Variants in HS3ST4 observed in about 807,000 individuals in gnomAD.
HS3ST4 encodes heparan sulfate glucosamine 3-O-sulfotransferase 4.
A neutral mutation model predicts 29.2 loss-of-function variants in HS3ST4; 17 were observed. The ratio of observed to expected loss-of-function variants is 0.58; its 90% confidence interval spans 0.40 to 0.87. The LOEUF is 0.87. Ranked by LOEUF, HS3ST4 falls within the 40% of genes least tolerant of loss-of-function variation. The pLI, the probability that HS3ST4 is intolerant of heterozygous loss-of-function variation, is 0.00. For missense variants in HS3ST4, 627 were observed against 634.5 expected, an observed-to-expected ratio of 0.99 and a Z score of 0.13; for synonymous variants, 314 against 285.7, an observed-to-expected ratio of 1.10 and a Z score of -1.00.
chr16:25,694,339 G>T (rs865773828), intron 1 of HS3ST4, among the ~76,000 whole-genome samples: 1 of 152,166 alleles, frequency 6.6e-6, no homozygotes, highest in South Asian at 2.1e-4. Context: ...CATAATAAAT[G>T]TGTGCATTAT....
At chr16:26,016,549 C>G (rs1476497478) in intron 1 of HS3ST4, among the ~76,000 whole-genome samples, 1 of 152,106 alleles carries the variant, frequency 6.6e-6, no homozygotes, top group Non-Finnish European at 1.5e-5. Context: ...CAGACTTAGG[C>G]CCTTCATCCA....
chr16:25,735,431 C>T (rs1371470756), intron 1 of HS3ST4, among the ~76,000 whole-genome samples: 6 of 151,758 alleles, frequency 4.0e-5, no homozygotes, highest in Admixed American at 3.9e-4. Flanking sequence ...ATTTGTCACC[C>T]AGGCTAGAGT....
chr16:25,835,306 A>C (rs186792663), intron 1 of HS3ST4, among the ~76,000 whole-genome samples: 1 of 152,360 alleles, frequency 6.6e-6, no homozygotes, highest in Admixed American at 6.5e-5. Flanking sequence ...ATTGCTGAAC[A>C]AACACTGCCT....
At chr16:26,038,127 C>G (rs1969600944) in intron 1 of HS3ST4, among the ~76,000 whole-genome samples, 1 of 152,192 alleles carries the variant, frequency 6.6e-6, no homozygotes, top group Non-Finnish European at 1.5e-5. Flanking sequence ...GCTCCATCCA[C>G]ATGGTCCTCC....
At chr16:25,943,954 T>C (rs149894098) in intron 1 of HS3ST4, among the ~76,000 whole-genome samples, 1 of 152,172 alleles carries the variant, frequency 6.6e-6, no homozygotes, top group Non-Finnish European at 1.5e-5. Flanking sequence ...CGCTTTCAGA[T>C]GATTTATAAA....
rs1403096608 is a variant in HS3ST4, at chr16:25,939,658, C to T, written c.735-195954C>T. Among the ~76,000 whole-genome samples, 5 of 152,062 alleles carry T rather than the reference C, an allele frequency of 3.3e-5. No homozygotes were observed. In the East Asian group the frequency reaches 9.7e-4, roughly 29 times the overall value. On this transcript the variant is annotated intron_variant, in intron 1 of 1. Coordinates refer to ENST00000331351, the MANE Select transcript of HS3ST4 (RefSeq NM_006040.3). ...CCGGCCATTATTTTTGAAAGGTAAA[C>T]ATCCTGTTTGTCAGCTTGCTTTCTG...
intron 1 of HS3ST4, among the ~76,000 whole-genome samples, chr16:25,923,496 A>G (rs1292181732): frequency 6.6e-6 from 1 of 152,218 alleles, no homozygotes; most frequent in Non-Finnish European, 1.5e-5. Flanking sequence ...ATTTTGGCAG[A>G]ATAAGAGTGA....
intron 1 of HS3ST4, among the ~76,000 whole-genome samples, chr16:25,717,245 G>A (rs1400300943): frequency 6.6e-6 from 1 of 152,036 alleles, no homozygotes; most frequent in Non-Finnish European, 1.5e-5. Context: ...GAAAGACAAG[G>A]GTACGCAGAA....
intron 1 of HS3ST4, among the ~76,000 whole-genome samples, chr16:25,828,943 G>A (rs549049661): frequency 8.5e-4 from 129 of 152,312 alleles, no homozygotes; most frequent in Admixed American, 1.3e-3. Flanking sequence ...TTTAATGCAC[G>A]TGAAAGTGCC....
intron 1 of HS3ST4, among the ~76,000 whole-genome samples, chr16:25,716,792 G>T (rs935961659): frequency 2.6e-5 from 4 of 152,180 alleles, no homozygotes; most frequent in African/African-American, 9.7e-5. Flanking sequence ...GGTGGCTCAC[G>T]CCTGTAATCC....
intron 1 of HS3ST4, among the ~76,000 whole-genome samples, chr16:25,946,079 C>T (rs574599858): frequency 3.3e-5 from 5 of 152,016 alleles, no homozygotes; most frequent in Non-Finnish European, 7.4e-5. Flanking sequence ...TATGTTCTGC[C>T]GCCAGCCACT....
At chr16:25,955,205 T>C (rs4430745) in intron 1 of HS3ST4, among the ~76,000 whole-genome samples, 1 of 152,042 alleles carries the variant, frequency 6.6e-6, no homozygotes, top group Non-Finnish European at 1.5e-5. Flanking sequence ...CCTGGACCTC[T>C]GGTGCAGTGG....
intron 1 of HS3ST4, among the ~76,000 whole-genome samples, chr16:26,122,628 C>CGA (rs1342558577): frequency 2.6e-5 from 4 of 152,110 alleles, no homozygotes; most frequent in Non-Finnish European, 5.9e-5. Context: ...GGATATATGC[C>CGA]ACACTGAAGC....
chr16:26,054,036 T>C (rs1898376771), intron 1 of HS3ST4, among the ~76,000 whole-genome samples: 1 of 152,148 alleles, frequency 6.6e-6, no homozygotes, highest in African/African-American at 2.4e-5. Flanking sequence ...GCACCTGCTC[T>C]TAGAGTGATA....
intron 1 of HS3ST4, among the ~76,000 whole-genome samples, chr16:26,054,689 C>T (rs1253957903): frequency 6.6e-6 from 1 of 152,126 alleles, no homozygotes; most frequent in Non-Finnish European, 1.5e-5. Context: ...CATCAGGGTC[C>T]AGAGTTTCAA....
At position 26,053,595 on chromosome 16, in the gene HS3ST4, A is replaced by G. The variant is rs1479051563; in HGVS notation, c.735-82017A>G. 2.6e-5 allele frequency among the ~76,000 whole-genome samples: 4 copies of G among 152,128 alleles called. No homozygotes were observed. In the East Asian group the frequency reaches 7.7e-4, roughly 29 times the overall value. On this transcript the variant is annotated intron_variant, in intron 1 of 1. Coordinates refer to ENST00000331351, the MANE Select transcript of HS3ST4 (RefSeq NM_006040.3). ...ATCATCTGGGGACAAGGAGATCTTG[A>G]TTTTTGGTTTGGGACTTTCATGTAT... is the stretch of plus-strand genomic sequence containing the variant.
At chr16:25,932,479 T>G (rs2141688195) in intron 1 of HS3ST4, among the ~76,000 whole-genome samples, 1 of 152,314 alleles carries the variant, frequency 6.6e-6, no homozygotes, top group South Asian at 2.1e-4. Flanking sequence ...ACTGCCATTT[T>G]TTTTGCCCCT....
chr16:25,800,250 T>C (rs1966920303), intron 1 of HS3ST4, among the ~76,000 whole-genome samples: 1 of 152,198 alleles, frequency 6.6e-6, no homozygotes, highest in Admixed American at 6.5e-5. Flanking sequence ...CTTAGTTGAA[T>C]AGAATGTTTG....
chr16:25,916,367 C>T (rs2141680662), intron 1 of HS3ST4, among the ~76,000 whole-genome samples: 1 of 152,016 alleles, frequency 6.6e-6, no homozygotes, highest in African/African-American at 2.4e-5. Flanking sequence ...TATTCGAATG[C>T]ATTTTTTTTT....
Sources: allele counts gnomAD v4.1 joint callset (sites outside exome capture counted in the v4.1 genomes callset), GRCh38; gene constraint gnomAD v4.1.1; transcripts MANE v1.5; gene names NCBI Gene and HGNC (gene_info 2026-07-23, HGNC 2026-07-21).